The following GABRG3 variants were observed in gnomAD, a reference collection of about 807,000 sequenced individuals.
The protein encoded by GABRG3 is gamma-aminobutyric acid receptor subunit gamma-3.
A neutral mutation model predicts 48.8 loss-of-function variants in GABRG3; 25 were observed. That is an observed-to-expected ratio of 0.51 (90% CI 0.37 to 0.72). The LOEUF (loss-of-function observed/expected upper bound fraction) is 0.72, where lower values mean the gene tolerates loss of function less well. Ranked by LOEUF, GABRG3 falls within the 30% of genes least tolerant of loss-of-function variation. The probability of loss-of-function intolerance (pLI) is 0.00; values close to 1 mark genes in which losing one functional copy is unlikely to be tolerated. For missense variants in GABRG3, 394 were observed against 577.9 expected, an observed-to-expected ratio of 0.68 and a Z score of 3.26; for synonymous variants, 227 against 217.6, an observed-to-expected ratio of 1.04 and a Z score of -0.38.
chr15:26,982,971 G>A (rs553931382), intron 2 of GABRG3, among the ~76,000 whole-genome samples: 169 of 152,142 alleles, frequency 1.1e-3, no homozygotes, highest in Middle Eastern at 6.8e-3. Flanking sequence ...GCTAAATCAC[G>A]TATCATTGGC....
At chr15:27,144,427 T>C (rs1315958484) in intron 3 of GABRG3, among the ~76,000 whole-genome samples, 1 of 152,162 alleles carries the variant, frequency 6.6e-6, no homozygotes, top group Non-Finnish European at 1.5e-5. Flanking sequence ...GAAACCACCA[T>C]TCAAAGGGCA....
At chr15:27,499,052 C>T (rs539502898) in intron 6 of GABRG3, among the ~76,000 whole-genome samples, 5 of 152,276 alleles carry the variant, frequency 3.3e-5, no homozygotes, top group African/African-American at 9.6e-5. Flanking sequence ...GAGCAGACCT[C>T]GTCAGTTGCA....
intron 3 of GABRG3, among the ~76,000 whole-genome samples, chr15:27,074,140 G>C (rs535364794): frequency 6.6e-6 from 1 of 152,194 alleles, no homozygotes; most frequent in African/African-American, 2.4e-5. Context: ...ACTACCAGGA[G>C]AACAGTATTG....
chr15:27,113,751 C>G (rs1897594553), intron 3 of GABRG3, among the ~76,000 whole-genome samples: 1 of 152,050 alleles, frequency 6.6e-6, no homozygotes, highest in African/African-American at 2.4e-5. Flanking sequence ...AGAACATAGT[C>G]TCCTAGATGA....
chr15:27,152,371 TG>T (rs1317359119), intron 3 of GABRG3, among the ~76,000 whole-genome samples: 1 of 152,224 alleles, frequency 6.6e-6, no homozygotes, highest in Non-Finnish European at 1.5e-5. Context: ...CAAAAGGTTT[TG>T]TTTACCATAG....
At position 27,518,076 on chromosome 15, in the gene GABRG3, C is replaced by T. The variant is rs559530414; in HGVS notation, c.713-1896C>T. Among the ~76,000 whole-genome samples, 7 of 151,612 alleles carry T rather than the reference C, an allele frequency of 4.6e-5. No homozygotes were observed. The East Asian group carries it at 9.7e-4, about 21-fold the overall frequency. ...AGTAAAAATGGGACTTTGGGCTGGG[C>T]GTGGTGGCTCATGCCTGTAATCCCA... On this transcript the variant is annotated intron_variant, in intron 6 of 9. Transcript: ENST00000615808.
chr15:27,068,453 T>C (rs56992933), intron 3 of GABRG3, among the ~76,000 whole-genome samples: 31,899 of 152,176 alleles, frequency 0.21, 3,475 homozygotes, highest in African/African-American at 0.26. Context: ...GGGAACTGTA[T>C]GGGTGGCAGC....
At chr15:27,242,089 G>A (rs906497996) in intron 3 of GABRG3, among the ~76,000 whole-genome samples, 2 of 152,164 alleles carry the variant, frequency 1.3e-5, no homozygotes, top group Non-Finnish European at 2.9e-5. Flanking sequence ...CCTCCAGCAC[G>A]AGATGCCTGG....
intron 3 of GABRG3, among the ~76,000 whole-genome samples, chr15:27,106,087 C>T (rs1380883553): frequency 2.6e-5 from 4 of 151,984 alleles, no homozygotes; most frequent in African/African-American, 9.7e-5. Flanking sequence ...GTCAACTATA[C>T]AGAAACAGAA....
rs982232381 is a variant in GABRG3, at chr15:27,072,498, C to T, written c.270+45677C>T. ...CAGGACATTTCATCTCACTTCATAT[C>T]AGCCTGTAGGATTCATTTTATTAGG... is the stretch of plus-strand genomic sequence containing the variant. On this transcript the variant is annotated intron_variant, in intron 3 of 9. Coordinates refer to ENST00000615808, the MANE Select transcript of GABRG3 (RefSeq NM_033223.5). Among the ~76,000 whole-genome samples the T allele has an allele frequency of 1.4e-4, 22 of 152,178 alleles. 1 individual carries two copies. Among genetic ancestry groups the T allele is most frequent in the Admixed American group, 1.4e-3 (21 of 15,282 alleles).
intron 3 of GABRG3, among the ~76,000 whole-genome samples, chr15:27,189,713 G>C (rs752276813): frequency 7.0e-4 from 107 of 152,006 alleles, no homozygotes; most frequent in Non-Finnish European, 1.3e-3. Context: ...AATTGAATAC[G>C]CTTTATTTCC....
intron 3 of GABRG3, among the ~76,000 whole-genome samples, chr15:27,135,058 G>A (rs985571973): frequency 1.3e-5 from 2 of 152,112 alleles, no homozygotes; most frequent in Admixed American, 6.5e-5. Flanking sequence ...CCACACAAAG[G>A]GACATCAGTA....
intron 5 of GABRG3, 131 bp from the exon 6 acceptor site, chr15:27,480,519 A>C: frequency 1.2e-6 from 1 of 822,640 alleles, no homozygotes; most frequent in Non-Finnish European, 1.9e-6. Flanking sequence ...TTGGAGGAAA[A>C]TTGAGAGTGC....
intron 2 of GABRG3, among the ~76,000 whole-genome samples, chr15:26,996,719 C>T (rs12437509): frequency 0.064 from 9,741 of 151,812 alleles, 361 homozygotes; most frequent in East Asian, 0.18. Flanking sequence ...GCTCAATCTC[C>T]GCTCACTGCA....
At chr15:27,037,851 G>C (rs1212064732) in intron 3 of GABRG3, among the ~76,000 whole-genome samples, 1 of 152,190 alleles carries the variant, frequency 6.6e-6, no homozygotes, top group African/African-American at 2.4e-5. Context: ...TAAAGTGACA[G>C]TGTTTGTCCA....
intron 3 of GABRG3, among the ~76,000 whole-genome samples, chr15:27,152,515 C>T (rs1040616711): frequency 5.9e-5 from 9 of 152,152 alleles, no homozygotes; most frequent in African/African-American, 9.7e-5. Flanking sequence ...TCTGTTTCTA[C>T]AGAAATCTTG....
At chr15:27,317,603 A>AT (rs892998773) in intron 3 of GABRG3, among the ~76,000 whole-genome samples, 1 of 151,998 alleles carries the variant, frequency 6.6e-6, no homozygotes, top group Non-Finnish European at 1.5e-5. Context: ...CAGTCTAAAT[A>AT]TTTTTTTTAA....
chr15:27,380,939 A>G (rs1032283847), intron 5 of GABRG3, among the ~76,000 whole-genome samples: 3 of 151,432 alleles, frequency 2.0e-5, no homozygotes, highest in South Asian at 2.1e-4. Context: ...CTAATTTTTT[A>G]TATTTTTAGT....
chr15:27,100,277 C>T (rs991199193), intron 3 of GABRG3, among the ~76,000 whole-genome samples: 1 of 151,046 alleles, frequency 6.6e-6, no homozygotes, highest in Non-Finnish European at 1.5e-5. Context: ...TCACTATCTA[C>T]CAATAAAAGA....
Sources: gnomAD v4.1 joint callset for allele counts (sites outside exome capture counted in the v4.1 genomes callset) on GRCh38, gnomAD v4.1.1 for gene constraint, MANE v1.5 for transcripts, NCBI Gene and HGNC (gene_info 2026-07-23, HGNC 2026-07-21) for gene names.